Variants in SYTL2 observed in about 807,000 individuals in gnomAD.
SYTL2 encodes the protein synaptotagmin-like protein 2.
A neutral mutation model predicts 198.7 loss-of-function variants in SYTL2; 165 were observed. That is an observed-to-expected ratio of 0.83 (90% CI 0.73 to 0.94). SYTL2 has a LOEUF of 0.94. SYTL2 is among the 40% of genes least tolerant of loss of function. The probability of loss-of-function intolerance (pLI) is 0.00; values close to 1 mark genes in which losing one functional copy is unlikely to be tolerated. For synonymous variants in SYTL2, 966 were observed against 917.7 expected (o/e 1.05, Z -0.95); for missense variants, 2,835 against 2,582.8 (o/e 1.10, Z -2.12).
chr11:85,700,446 CATAGTAAATACTG>C (rs2084110282), intron 17 of SYTL2, 56 bp downstream of exon 17: 1 of 1,272,766 alleles, frequency 7.9e-7, no homozygotes, highest in African/African-American at 1.5e-5. Context: ...TTTGAAAACG[CATAGTAAATACTG>C]TGAGAAGGGA....
intron 7 of SYTL2, among the ~76,000 whole-genome samples, chr11:85,732,989 AC>A (rs1358721226): frequency 2.6e-5 from 4 of 152,178 alleles, no homozygotes; most frequent in Non-Finnish European, 5.9e-5. Context: ...GAGTGGTAAG[AC>A]CTTCAAGACA....
the SYTL2 span, among the ~76,000 whole-genome samples, chr11:85,818,382 C>A: frequency 1.3e-5 from 2 of 152,082 alleles, no homozygotes; most frequent in Non-Finnish European, 2.9e-5. Context: ...ATGAAGAATT[C>A]AAAGATGAAT....
At chr11:85,737,181 T>C (rs678723) in intron 5 of SYTL2, among the ~76,000 whole-genome samples, 102,195 of 152,088 alleles carry the variant, frequency 0.67, 34,889 homozygotes, top group African/African-American at 0.79. Context: ...TTACTGTCTA[T>C]AGTTTAATAA....
At chr11:85,700,688 T>C (rs2084161188) in intron 16 of SYTL2, 95 bp from the exon 17 acceptor site, 1 of 897,832 alleles carries the variant, frequency 1.1e-6, no homozygotes, top group Non-Finnish European at 1.9e-6. Context: ...GTCCCATTTC[T>C]GGGACCATGT....
the SYTL2 span, among the ~76,000 whole-genome samples, chr11:85,839,418 G>A: frequency 6.6e-6 from 1 of 152,176 alleles, no homozygotes; most frequent in African/African-American, 2.4e-5. Context: ...AAGCCCATCT[G>A]AAGGATAGTT....
intron 1 of SYTL2, among the ~76,000 whole-genome samples, chr11:85,771,063 T>A (rs924045041): frequency 3.3e-5 from 5 of 152,364 alleles, no homozygotes; most frequent in Non-Finnish European, 5.9e-5. Context: ...ATAACTAACA[T>A]TTTGTAACTT....
intron 5 of SYTL2, among the ~76,000 whole-genome samples, chr11:85,737,242 A>G (rs1466005809): frequency 2.0e-5 from 3 of 152,204 alleles, no homozygotes; most frequent in African/African-American, 7.2e-5. Flanking sequence ...TTAGGAAGCT[A>G]TGCATAGGAA....
chr11:85,843,167 A>T, the SYTL2 span, among the ~76,000 whole-genome samples: 1 of 152,142 alleles, frequency 6.6e-6, no homozygotes, highest in Non-Finnish European at 1.5e-5. Flanking sequence ...CGAGGTCTGG[A>T]GTTCAAGACC....
chr11:85,703,505 T>C (rs2084651720), intron 16 of SYTL2, among the ~76,000 whole-genome samples: 1 of 152,128 alleles, frequency 6.6e-6, no homozygotes. Context: ...GAAATAATTG[T>C]CAACCTAGCA....
the SYTL2 span, chr11:85,854,212 C>T: frequency 1.3e-5 from 2 of 151,686 alleles, no homozygotes; most frequent in Non-Finnish European, 1.5e-5. Context: ...TAAAATACAC[C>T]ATGTATAAAT....
intron 1 of SYTL2, among the ~76,000 whole-genome samples, chr11:85,760,086 A>C (rs911864026): frequency 6.6e-6 from 1 of 152,172 alleles, no homozygotes; most frequent in Non-Finnish European, 1.5e-5. Flanking sequence ...TAGGCTGTAA[A>C]TGTGCTTTTG....
intron 7 of SYTL2, 109 bp from the exon 8 acceptor site, chr11:85,728,076 C>T (rs562196658): frequency 3.2e-6 from 3 of 942,400 alleles, no homozygotes; most frequent in East Asian, 5.3e-5. Flanking sequence ...ACTTTCTATA[C>T]CAATAGCTGT....
At chr11:85,767,259 G>A (rs574420692) in intron 1 of SYTL2, among the ~76,000 whole-genome samples, 2 of 152,308 alleles carry the variant, frequency 1.3e-5, no homozygotes, top group African/African-American at 4.8e-5. Context: ...CCTAACATTG[G>A]AGCTAGGACA....
chr11:85,697,917 G>A (rs1358192472), intron 18 of SYTL2, 62 bp downstream of exon 18: 15 of 1,113,246 alleles, frequency 1.3e-5, no homozygotes, highest in Middle Eastern at 2.0e-4. Context: ...ATAGAGAACC[G>A]AAACTAACCA....
intron 7 of SYTL2, among the ~76,000 whole-genome samples, chr11:85,733,323 T>C (rs1002318651): frequency 7.2e-5 from 11 of 152,226 alleles, no homozygotes; most frequent in Admixed American, 6.5e-4. Context: ...CTTACTCTAT[T>C]CCACCTTGAT....
chr11:85,728,050 A>G, intron 7 of SYTL2, 83 bp from the exon 8 acceptor site: 1 of 1,272,514 alleles, frequency 7.9e-7, no homozygotes, highest in East Asian at 2.4e-5. Flanking sequence ...TCTTTATAAA[A>G]GCACTTTGTA....
intron 2 of SYTL2, among the ~76,000 whole-genome samples, chr11:85,752,923 A>T (rs1183219758): frequency 4.5e-5 from 5 of 111,986 alleles, no homozygotes; most frequent in African/African-American, 2.6e-4. Flanking sequence ...TCATTAAAAA[A>T]AAAAAAAAAA....
chr11:85,709,705 CAG>C (rs1416883427), intron 13 of SYTL2, among the ~76,000 whole-genome samples: 14 of 152,146 alleles, frequency 9.2e-5, no homozygotes, highest in African/African-American at 3.1e-4. Flanking sequence ...GTTTTTGAGA[CAG>C]AGTCTCACTC....
At chr11:85,853,011 C>A in the SYTL2 span, 2 of 322,158 alleles carry the variant, frequency 6.2e-6, no homozygotes, top group Non-Finnish European at 1.2e-5. Context: ...GTGAGGAGCC[C>A]CTGCGCCCGG....
Sources: gnomAD v4.1 joint callset for allele counts (sites outside exome capture counted in the v4.1 genomes callset) on GRCh38, gnomAD v4.1.1 for gene constraint, MANE v1.5 for transcripts, NCBI Gene and HGNC (gene_info 2026-07-23, HGNC 2026-07-21) for gene names.